EYS: variants seen among roughly 807,000 people sequenced by gnomAD.
EYS encodes protein eyes shut homolog.
EYS carries 250 observed loss-of-function variants against 282.1 expected under a neutral mutation model. The observed-to-expected ratio is 0.89, with a 90% confidence interval of 0.80 to 0.98. The LOEUF (loss-of-function observed/expected upper bound fraction) is 0.98. Among genes scored for constraint, EYS ranks in the 50% least tolerant of loss-of-function variants. The pLI is 0.00. For synonymous variants in EYS, 1,355 were observed against 1,282.9 expected (o/e 1.06, Z -1.20); for missense variants, 4,016 against 3,709.0 (o/e 1.08, Z -2.15).
intron 31 of EYS, among the ~76,000 whole-genome samples, chr6:64,111,048 G>A (rs34051386): frequency 3.3e-5 from 5 of 151,974 alleles, no homozygotes; most frequent in African/African-American, 1.2e-4. Flanking sequence ...GACTAGAGGA[G>A]TTTAAATGCT....
At chr6:63,957,657 G>A (rs180904393) in intron 35 of EYS, among the ~76,000 whole-genome samples, 11 of 140,326 alleles carry the variant, frequency 7.8e-5, no homozygotes, top group African/African-American at 2.2e-4. Flanking sequence ...ATGCTACAGC[G>A]CCTAAAAGTT....
At chr6:63,767,432 C>G (rs1056503867) in intron 40 of EYS, among the ~76,000 whole-genome samples, 2 of 151,976 alleles carry the variant, frequency 1.3e-5, no homozygotes, top group Admixed American at 1.3e-4. Flanking sequence ...GCCTATACAC[C>G]AATTACATCC....
rs1203202809 is a variant in EYS at position 64,886,859 on chromosome 6, AAATGAGG to A, written c.2847-24_2847-18del. On this transcript the variant is annotated intron_variant, in intron 18 of 42. Coordinates refer to ENST00000503581, the MANE Select transcript of EYS (RefSeq NM_001142800.2). ...CAAAAAAATCTGGAGAAAAGTGGAG[AAATGAGG>A]AATAGCCATGTAACAATGATAATCA... The A allele has an allele frequency of 6.8e-7, 1 of 1,461,162 alleles. No individual in the cohort carries two copies. Among genetic ancestry groups the A allele is most frequent in the Admixed American group, 2.3e-5 (1 of 43,436 alleles). 90.5% of individuals were successfully genotyped at this position (1,461,162 alleles called of 1,614,324 possible).
chr6:64,551,093 T>C (rs956791031), intron 26 of EYS, among the ~76,000 whole-genome samples: 1 of 151,474 alleles, frequency 6.6e-6, no homozygotes, highest in Non-Finnish European at 1.5e-5. Context: ...GAAAATAACA[T>C]ATAATTTAAA....
intron 29 of EYS, among the ~76,000 whole-genome samples, chr6:64,369,536 T>A (rs1160875833): frequency 1.3e-5 from 2 of 152,162 alleles, no homozygotes; most frequent in African/African-American, 4.8e-5. Context: ...TCTTCCCGTC[T>A]ATGAGCATGG....
chr6:64,142,691 G>A (rs1774374829), intron 31 of EYS, among the ~76,000 whole-genome samples: 2 of 152,096 alleles, frequency 1.3e-5, no homozygotes, highest in African/African-American at 4.8e-5. Flanking sequence ...CACATTGTTT[G>A]GTTAGAAAAA....
intron 32 of EYS, among the ~76,000 whole-genome samples, chr6:64,077,239 C>A (rs762590838): frequency 1.3e-5 from 2 of 151,966 alleles, no homozygotes; most frequent in Non-Finnish European, 2.9e-5. Flanking sequence ...ACTGAGCAAT[C>A]TTTTTCCTTA....
rs1767096908 is a variant in EYS, at chr6:65,515,619, TGATGC to T, written c.-332-19631_-332-19627del. ...TGGAATACCATGCAGCCAGAAAAAA[TGATGC>T]GTTCATGTCCTTTGTAGGGACATGG... On this transcript the variant is annotated intron_variant, in intron 2 of 42. Transcript: ENST00000503581. Among the ~76,000 whole-genome samples, 5 of 151,546 alleles carry T rather than the reference TGATGC, an allele frequency of 3.3e-5. No homozygotes were observed. The South Asian group carries it at 1.0e-3, about 32-fold the overall frequency.
At chr6:64,391,696 A>G (rs1374863063) in intron 28 of EYS, among the ~76,000 whole-genome samples, 1 of 152,062 alleles carries the variant, frequency 6.6e-6, no homozygotes, top group Non-Finnish European at 1.5e-5. Flanking sequence ...GACCATCAAG[A>G]CTAGGAAGAA....
chr6:65,012,147 G>C (rs1215198860), intron 13 of EYS, among the ~76,000 whole-genome samples: 3 of 152,086 alleles, frequency 2.0e-5, no homozygotes, highest in Admixed American at 6.5e-5. Flanking sequence ...CTTCAATCCT[G>C]AAAAATTTTT....
chr6:64,235,321 T>C (rs1766563390), intron 30 of EYS, among the ~76,000 whole-genome samples: 2 of 147,678 alleles, frequency 1.4e-5, no homozygotes, highest in Admixed American at 6.8e-5. Context: ...TTCCCACCTA[T>C]GAGTGAGAAT....
At chr6:63,898,762 A>T (rs1220585526) in intron 35 of EYS, among the ~76,000 whole-genome samples, 2 of 149,218 alleles carry the variant, frequency 1.3e-5, no homozygotes, top group Non-Finnish European at 3.0e-5. Flanking sequence ...TAATGTGAAA[A>T]GTCATAACTA....
At position 63,806,391 on chromosome 6, in the gene EYS, C is replaced by T; in HGVS notation, c.7229-19G>A. ...TTAATAGCTGTGAAAAAACCCAAAC[C>T]AAACAGTTAAAATAAACCTGTACAT... On this transcript the variant is annotated intron_variant, in intron 36 of 42. Transcript: ENST00000503581. 5 of 1,512,238 alleles carry T rather than the reference C, an allele frequency of 3.3e-6. No individual in the cohort carries two copies. Among genetic ancestry groups the T allele is most frequent in the Non-Finnish European group, 4.4e-6 (5 of 1,125,734 alleles). The allele number at this position is 1,512,238 out of a possible 1,614,324, so 93.7% of individuals were successfully genotyped here.
intron 8 of EYS, among the ~76,000 whole-genome samples, chr6:65,360,308 C>T (rs1764654008): frequency 6.6e-6 from 1 of 151,858 alleles, no homozygotes; most frequent in South Asian, 2.1e-4. Flanking sequence ...TCAATTTCCA[C>T]TCATAGTCAA....
At chr6:64,849,554 T>C (rs778832676) in intron 19 of EYS, among the ~76,000 whole-genome samples, 57 of 152,172 alleles carry the variant, frequency 3.7e-4, no homozygotes, top group South Asian at 8.3e-4. Flanking sequence ...CAGTTTTATA[T>C]ATTAGAAATA....
At chr6:65,112,188 C>G (rs1006366737) in intron 12 of EYS, among the ~76,000 whole-genome samples, 1 of 152,048 alleles carries the variant, frequency 6.6e-6, no homozygotes, top group African/African-American at 2.4e-5. Flanking sequence ...TACTAATAAT[C>G]ATGAACATTC....
intron 12 of EYS, among the ~76,000 whole-genome samples, chr6:65,059,611 C>A (rs1435935009): frequency 6.6e-6 from 1 of 151,910 alleles, no homozygotes; most frequent in East Asian, 1.9e-4. Flanking sequence ...GATATTTATA[C>A]CCCAAAGAGG....
At chr6:65,035,163 C>A (rs1437010302) in intron 13 of EYS, among the ~76,000 whole-genome samples, 1 of 152,052 alleles carries the variant, frequency 6.6e-6, no homozygotes, top group Non-Finnish European at 1.5e-5. Context: ...CACTCATCGT[C>A]ACTTCATGTT....
intron 12 of EYS, among the ~76,000 whole-genome samples, chr6:65,247,703 T>C (rs927651418): frequency 7.2e-5 from 11 of 152,080 alleles, no homozygotes; most frequent in Non-Finnish European, 1.5e-4. Context: ...ATAGAAGGAT[T>C]AGAATGCATT....
Sources: gnomAD v4.1 joint callset for allele counts (sites outside exome capture counted in the v4.1 genomes callset) on GRCh38, gnomAD v4.1.1 for gene constraint, MANE v1.5 for transcripts, NCBI Gene and HGNC (gene_info 2026-07-23, HGNC 2026-07-21) for gene names.